Variants in HDAC4 observed in about 807,000 individuals in gnomAD.
HDAC4 encodes the protein histone deacetylase A.
A neutral mutation model predicts 135.1 loss-of-function variants in HDAC4; 16 were observed. The observed-to-expected ratio is 0.12, with a 90% CI of 0.08 to 0.18. The LOEUF (loss-of-function observed/expected upper bound fraction) is 0.18, where lower values mean the gene tolerates loss of function less well. HDAC4 is among the 10% of genes least tolerant of loss of function. HDAC4 has a pLI of 1.00. For missense variants in HDAC4, 1,143 were observed against 1,511.8 expected, an observed-to-expected ratio of 0.76 and a Z score of 4.05; for synonymous variants, 685 against 653.4, an observed-to-expected ratio of 1.05 and a Z score of -0.74.
intron 5 of HDAC4, among the ~76,000 whole-genome samples, chr2:239,164,263 T>C (rs1224332831): frequency 6.6e-6 from 1 of 152,268 alleles, no homozygotes; most frequent in Non-Finnish European, 1.5e-5. Context: ...AGCGTGGTGG[T>C]TGCATTCTTG....
rs1434092958 is a variant in HDAC4 at position 239,049,749 on chromosome 2, C to T, written c.*3348G>A. On this transcript the variant is annotated 3_prime_UTR_variant, in exon 27 of 27. Coordinates refer to ENST00000543185, the MANE Select transcript of HDAC4 (RefSeq NM_001378414.1). ...ACAAAGTGGCCCTCCAGAACCAGAGCCCTGGGACGCTGGGGAGGGGCGGCC... is the reference window on the plus strand; with the variant it reads ...ACAAAGTGGCCCTCCAGAACCAGAGTCCTGGGACGCTGGGGAGGGGCGGCC... The T allele has an allele frequency of 6.6e-6, 1 of 152,270 alleles. No homozygotes were observed. Among genetic ancestry groups the T allele is most frequent in the Non-Finnish European group, 1.5e-5 (1 of 68,038 alleles). 9.4% of individuals were successfully genotyped at this position (152,270 alleles called of 1,614,324 possible). A position where few individuals can be genotyped will look rare whatever the true frequency, so the allele number is the denominator to read the frequency against.
At chr2:239,099,925 G>A (rs959831537) in intron 16 of HDAC4, among the ~76,000 whole-genome samples, 18 of 152,386 alleles carry the variant, frequency 1.2e-4, no homozygotes, top group African/African-American at 4.1e-4. Flanking sequence ...GCTGGAGGGT[G>A]AAAGCTCTGG....
chr2:239,331,890 C>A lies in HDAC4; in HGVS notation c.22+20788G>T, dbSNP rs923714447. On this transcript the variant is annotated intron_variant, in intron 2 of 26. Transcript: ENST00000543185. The surrounding 1 kb of genome is among the most constrained non-coding windows in gnomAD (Gnocchi z 4.5). ...CCTGGGAAACGAACGCCAGACTGAGCGTGGGGGTGAGGAGAGCCCCGTGCC... is the reference window on the plus strand; with the variant it reads ...CCTGGGAAACGAACGCCAGACTGAGAGTGGGGGTGAGGAGAGCCCCGTGCC... Among the ~76,000 whole-genome samples the A allele has an allele frequency of 6.6e-6, 1 of 152,090 alleles. No individual in the cohort carries two copies. Among genetic ancestry groups the A allele is most frequent in the Non-Finnish European group, 1.5e-5 (1 of 68,028 alleles).
At position 239,306,722 on chromosome 2, in the gene HDAC4, G is replaced by T. The variant is rs1559350104; in HGVS notation, c.22+45956C>A. Among the ~76,000 whole-genome samples, 1 of 151,830 alleles carries T rather than the reference G, an allele frequency of 6.6e-6. No individual in the cohort carries two copies. Among genetic ancestry groups the T allele is most frequent in the South Asian group, 2.1e-4 (1 of 4,810 alleles). On this transcript the variant is annotated intron_variant, in intron 2 of 26. Transcript: ENST00000543185. This position sits in a 1 kb window ranked among gnomAD's most constrained non-coding sequence, Gnocchi z 4.5. The stretch of plus-strand genomic sequence containing the variant: ...GCATCCAGGGCCCAGGGCCCACAGG[G>T]TTTTACATGGTGAAAAGGGGTAGGG...
At chr2:239,053,408 G>T in intron 26 of HDAC4, 52 bp downstream of exon 26, 1 of 1,597,654 alleles carries the variant, frequency 6.3e-7, no homozygotes, top group Non-Finnish European at 8.5e-7. Flanking sequence ...TGTGTCAGTG[G>T]GCACAGTGGG....
chr2:239,083,600 G>A (rs1322715056), intron 20 of HDAC4, among the ~76,000 whole-genome samples: 1 of 152,194 alleles, frequency 6.6e-6, no homozygotes, highest in African/African-American at 2.4e-5. Flanking sequence ...TGAATATCTT[G>A]AATATTAATT....
At chr2:239,140,984 C>A (rs561910833) in intron 8 of HDAC4, 5 of 416,530 alleles carry the variant, frequency 1.2e-5, no homozygotes, top group Non-Finnish European at 2.5e-5. Context: ...CACAGCTCCC[C>A]CAACCTGGCA....
chr2:239,174,516 A>G (rs2043636023), intron 5 of HDAC4, among the ~76,000 whole-genome samples: 1 of 152,256 alleles, frequency 6.6e-6, no homozygotes. Flanking sequence ...TGACAAGGAC[A>G]TGGAGCCACA....
intron 16 of HDAC4, among the ~76,000 whole-genome samples, chr2:239,099,400 A>G (rs548980330): frequency 1.0e-3 from 157 of 152,344 alleles, no homozygotes; most frequent in African/African-American, 3.5e-3. Context: ...CGCCTGCTGA[A>G]GCCCCTGCTG....
chr2:239,378,867 G>T (rs901481013), intron 1 of HDAC4, among the ~76,000 whole-genome samples: 7 of 152,138 alleles, frequency 4.6e-5, no homozygotes, highest in African/African-American at 1.7e-4. Flanking sequence ...ACAGTCTTTC[G>T]AACAAAGAGG....
chr2:239,391,594 A>G (rs1696218901), intron 1 of HDAC4, among the ~76,000 whole-genome samples: 1 of 152,234 alleles, frequency 6.6e-6, no homozygotes, highest in Non-Finnish European at 1.5e-5. Context: ...AGCAGATGAC[A>G]AAGGACTCAC....
chr2:239,153,733 G>A (rs1222680554), intron 7 of HDAC4, among the ~76,000 whole-genome samples: 1 of 152,248 alleles, frequency 6.6e-6, no homozygotes, highest in Admixed American at 6.5e-5. Flanking sequence ...TCTCAAGAAA[G>A]CAGGGAGTTG....
chr2:239,175,565 C>T (rs1399124400), intron 5 of HDAC4, among the ~76,000 whole-genome samples: 1 of 152,212 alleles, frequency 6.6e-6, no homozygotes, highest in Non-Finnish European at 1.5e-5. Context: ...CCATGCTGGT[C>T]TCCAGATGTA....
intron 3 of HDAC4, among the ~76,000 whole-genome samples, chr2:239,193,655 G>A (rs1042249930): frequency 6.6e-6 from 1 of 152,264 alleles, no homozygotes; most frequent in Admixed American, 6.5e-5. Context: ...ACTCAGGCTT[G>A]GGGCCGGGAG....
In HDAC4 at chr2:239,313,262, G is replaced by A. The variant is rs1380676298; in HGVS notation, c.22+39416C>T. Among the ~76,000 whole-genome samples the A allele has an allele frequency of 1.3e-5, 2 of 152,174 alleles. No individual in the cohort carries two copies. The highest frequency in any genetic ancestry group is 2.4e-5 in the African/African-American group (1 of 41,436). On this transcript the variant is annotated intron_variant, in intron 2 of 26. Transcript: ENST00000543185. This position sits in a 1 kb window ranked among gnomAD's most constrained non-coding sequence, Gnocchi z 5.1. ...CATATTTTTAAATATGCTCTTAATG[G>A]AAAGCAACAAAAGTACTTAACAAAA...
intron 21 of HDAC4, 27 bp downstream of exon 21, chr2:239,082,075 C>T (rs199957914): frequency 5.6e-6 from 9 of 1,613,544 alleles, no homozygotes; most frequent in South Asian, 3.3e-5. Flanking sequence ...CCCTTTCCCC[C>T]CAGAGGCCCT....
At chr2:239,074,031 G>A (rs2034480606) in intron 22 of HDAC4, among the ~76,000 whole-genome samples, 1 of 147,772 alleles carries the variant, frequency 6.8e-6, no homozygotes, top group South Asian at 2.2e-4. Context: ...GGAGCAGCAG[G>A]ACTGAGGGGG....
Position 239,134,572 on chromosome 2 carries a change from G to T in HDAC4, c.1050C>A (p.Ser350=), listed in dbSNP as rs1243159623. The part of the protein sequence containing the change: ...AAPLPLYTSP[S]LPNITLGLPA... ...GCAGGCCCAGCGTGATGTTGGGCAA[G>T]GATGGCGATGTGTAGAGGGGAAGTG... Residue 350 remains serine, a synonymous_variant, in exon 10 of 27, where the codon TCC becomes TCA. Transcript: ENST00000543185. The T allele has an allele frequency of 6.2e-7, 1 of 1,614,080 alleles. No individual in the cohort carries two copies. Among genetic ancestry groups the T allele is most frequent in the Non-Finnish European group, 8.5e-7 (1 of 1,180,050 alleles).
chr2:239,244,418 G>A (rs930302135), intron 2 of HDAC4, among the ~76,000 whole-genome samples: 13 of 152,078 alleles, frequency 8.5e-5, no homozygotes, highest in Non-Finnish European at 1.6e-4. Context: ...GGCGTGGTGC[G>A]GTGCACACTC....
Sources: allele counts gnomAD v4.1 joint callset (sites outside exome capture counted in the v4.1 genomes callset), GRCh38; gene constraint gnomAD v4.1.1; non-coding constraint Gnocchi (gnomAD v3.1); transcripts MANE v1.5; gene names NCBI Gene and HGNC (gene_info 2026-07-23, HGNC 2026-07-21).